Variants in CCDC171 observed in about 807,000 individuals in gnomAD.
CCDC171 encodes the protein coiled-coil domain-containing protein 171.
Under a neutral mutation model 168.2 loss-of-function variants are expected in CCDC171, and 177 were observed. That is an observed-to-expected ratio of 1.05 (90% CI 0.93 to 1.19). The LOEUF is 1.19. Ranked by LOEUF, CCDC171 falls within the 50% of genes most tolerant of loss-of-function variation. The probability of loss-of-function intolerance (pLI) is 0.00; values close to 1 mark genes in which losing one functional copy is unlikely to be tolerated. For synonymous variants in CCDC171, 687 were observed against 540.8 expected (o/e 1.27, Z -3.75); for missense variants, 1,991 against 1,539.0 (o/e 1.29, Z -4.91).
chr9:15,617,623 G>A (rs2044184410), intron 6 of CCDC171, among the ~76,000 whole-genome samples: 1 of 152,038 alleles, frequency 6.6e-6, no homozygotes, highest in Non-Finnish European at 1.5e-5. Context: ...TGATCCACCC[G>A]CCTCGGCCTC....
the CCDC171 span, among the ~76,000 whole-genome samples, chr9:16,098,784 C>A: frequency 6.6e-6 from 1 of 152,134 alleles, no homozygotes; most frequent in African/African-American, 2.4e-5. Context: ...ATGGAATATT[C>A]CCCCTTTGAA....
At chr9:15,888,239 T>A (rs1388807331) in intron 24 of CCDC171, among the ~76,000 whole-genome samples, 2 of 152,220 alleles carry the variant, frequency 1.3e-5, no homozygotes, top group South Asian at 2.1e-4. Flanking sequence ...GATTTTCACA[T>A]CCTGACTTAA....
At chr9:15,651,929 A>G (rs2047558075) in intron 7 of CCDC171, among the ~76,000 whole-genome samples, 1 of 152,192 alleles carries the variant, frequency 6.6e-6, no homozygotes, top group Middle Eastern at 3.4e-3. Flanking sequence ...TTTTTTTGAG[A>G]CAGGGTCTTG....
intron 6 of CCDC171, among the ~76,000 whole-genome samples, chr9:15,619,844 T>C (rs1008752044): frequency 6.6e-5 from 10 of 152,138 alleles, no homozygotes; most frequent in Non-Finnish European, 1.2e-4. Context: ...GGGGCTAATA[T>C]TGCTGGTGAG....
chr9:15,979,410 A>G (rs1564098087), intron 3 of CCDC171, among the ~76,000 whole-genome samples: 1 of 152,208 alleles, frequency 6.6e-6, no homozygotes, highest in Non-Finnish European at 1.5e-5. Flanking sequence ...GAAGTGTGAC[A>G]TTAGCAATTG....
chr9:15,596,651 C>T (rs1380765415), intron 6 of CCDC171, among the ~76,000 whole-genome samples: 1 of 151,694 alleles, frequency 6.6e-6, no homozygotes, highest in East Asian at 1.9e-4. Context: ...TCCATATGAA[C>T]TTTAAAGTAG....
At chr9:16,087,276 G>C in the CCDC171 span, among the ~76,000 whole-genome samples, 6 of 152,076 alleles carry the variant, frequency 3.9e-5, no homozygotes, top group Admixed American at 3.9e-4. Flanking sequence ...TTCAAATCCT[G>C]GATATCCTTG....
At chr9:16,044,267 T>G (rs1833618312) in intron 1 of CCDC171, among the ~76,000 whole-genome samples, 1 of 152,226 alleles carries the variant, frequency 6.6e-6, no homozygotes, top group East Asian at 1.9e-4. Flanking sequence ...TCCAACTTCC[T>G]TTTTAACTTG....
chr9:15,883,162 A>G (rs1239925715), intron 24 of CCDC171: 2 of 349,302 alleles, frequency 5.7e-6, no homozygotes. Flanking sequence ...CTGAGTACCT[A>G]GGACCACAGG....
At chr9:15,783,089 T>C (rs1385840359) in intron 20 of CCDC171, among the ~76,000 whole-genome samples, 4 of 152,174 alleles carry the variant, frequency 2.6e-5, no homozygotes, top group Non-Finnish European at 5.9e-5. Context: ...AAAAGAGAAA[T>C]GAGTTTTAAA....
At chr9:15,633,789 G>C (rs530306697) in intron 7 of CCDC171, among the ~76,000 whole-genome samples, 1 of 152,312 alleles carries the variant, frequency 6.6e-6, no homozygotes, top group East Asian at 1.9e-4. Context: ...GTCCAACAAT[G>C]ATAGACTGGA....
intron 24 of CCDC171, among the ~76,000 whole-genome samples, chr9:15,905,625 G>A (rs186940525): frequency 1.3e-5 from 2 of 152,004 alleles, no homozygotes; most frequent in African/African-American, 4.8e-5. Flanking sequence ...AGAGAAGCAA[G>A]AGCAAACACA....
chr9:15,632,885 G>A (rs142340007), intron 7 of CCDC171, among the ~76,000 whole-genome samples: 1 of 152,168 alleles, frequency 6.6e-6, no homozygotes, highest in Non-Finnish European at 1.5e-5. Context: ...ATGACTATCT[G>A]ATCTTTGACA....
chr9:15,869,513 G>GTTTTTTTTTTTTTTTTTTTTTTTTT (rs72548935), intron 23 of CCDC171, among the ~76,000 whole-genome samples: 1 of 147,978 alleles, frequency 6.8e-6, no homozygotes. Context: ...AAAGCGTAGT[G>GTTTTTTTTTTTTTTTTTTTTTTTTT]TTTTTTTTTT....
chr9:16,095,867 C>CATATATATATAT, the CCDC171 span, among the ~76,000 whole-genome samples: 252 of 52,716 alleles, frequency 4.8e-3, 5 homozygotes, highest in African/African-American at 0.011. Context: ...CACACATAGG[C>CATATATATATAT]ACATATATAT....
chr9:15,859,413 C>T (rs993281235), intron 23 of CCDC171, among the ~76,000 whole-genome samples: 1 of 151,494 alleles, frequency 6.6e-6, no homozygotes, highest in African/African-American at 2.4e-5. Flanking sequence ...AAATATATTT[C>T]GAAGTTTTCC....
At chr9:15,689,218 C>G (rs761928497) in intron 10 of CCDC171, among the ~76,000 whole-genome samples, 11 of 152,030 alleles carry the variant, frequency 7.2e-5, no homozygotes, top group African/African-American at 2.4e-4. Context: ...TAAACAAGGT[C>G]GAAATAAATG....
chr9:15,864,479 A>G (rs939322077), intron 23 of CCDC171, among the ~76,000 whole-genome samples: 17 of 151,890 alleles, frequency 1.1e-4, no homozygotes, highest in African/African-American at 4.1e-4. Flanking sequence ...ACCCCACGAC[A>G]GGCCCCAGTG....
chr9:15,637,183 G>C (rs1268855729), intron 7 of CCDC171, among the ~76,000 whole-genome samples: 2 of 152,150 alleles, frequency 1.3e-5, no homozygotes, highest in African/African-American at 4.8e-5. Flanking sequence ...TTGAACCTGG[G>C]AGGTGGAGGC....
Sources: gnomAD v4.1 joint callset for allele counts (sites outside exome capture counted in the v4.1 genomes callset) on GRCh38, gnomAD v4.1.1 for gene constraint, MANE v1.5 for transcripts, NCBI Gene and HGNC (gene_info 2026-07-23, HGNC 2026-07-21) for gene names.